The following CRYBG1 variants were observed in gnomAD, a reference collection of about 807,000 sequenced individuals.
CRYBG1 encodes beta/gamma crystallin domain-containing protein 1.
Under a neutral mutation model 189.2 loss-of-function variants are expected in CRYBG1, and 139 were observed. The ratio of observed to expected loss-of-function variants is 0.73; its 90% confidence interval spans 0.64 to 0.85. CRYBG1 has a LOEUF of 0.85. CRYBG1 is among the 40% of genes least tolerant of loss of function. The pLI is 0.00. For synonymous variants in CRYBG1, 1,023 were observed against 1,017.1 expected (o/e 1.01, Z -0.11); for missense variants, 2,611 against 2,675.8 (o/e 0.98, Z 0.53).
Position 106,563,777 on chromosome 6 carries a change from G to A in CRYBG1, c.6152G>A (p.Cys2051Tyr). The change falls in exon 21 of 22, where the codon TGC (cysteine) becomes TAC (tyrosine). Residue 2051 changes from cysteine (C) to tyrosine (Y), a missense_variant. Transcript: ENST00000633556. ...GCIKCRIAED[C>Y]CLTIVGSLVT... ...TCCACTGAGCAGATAGCAGAAGACT[G>A]CTGCCTGACGATTGTGGGCAGCCTG... The A allele has an allele frequency of 1.2e-6, 2 of 1,607,392 alleles. No individual in the cohort carries two copies. Among genetic ancestry groups the A allele is most frequent in the Non-Finnish European group, 8.5e-7 (1 of 1,174,254 alleles).
At chr6:106,466,876 G>A (rs1201850190) in intron 2 of CRYBG1, among the ~76,000 whole-genome samples, 1 of 152,150 alleles carries the variant, frequency 6.6e-6, no homozygotes, top group Non-Finnish European at 1.5e-5. Flanking sequence ...GTAAGATTTT[G>A]AGCAAAGACA....
At chr6:106,561,968 C>G (rs1460769251) in intron 20 of CRYBG1, among the ~76,000 whole-genome samples, 1 of 152,142 alleles carries the variant, frequency 6.6e-6, no homozygotes, top group African/African-American at 2.4e-5. Context: ...CCATGTCCCT[C>G]CTGCATCATT....
At chr6:106,429,597 A>AT (rs1410349828) in intron 1 of CRYBG1, among the ~76,000 whole-genome samples, 1 of 152,238 alleles carries the variant, frequency 6.6e-6, no homozygotes, top group Non-Finnish European at 1.5e-5. Flanking sequence ...TGATGAAACC[A>AT]TTTTATTATT....
Position 106,571,706 on chromosome 6 carries a change from A to T in CRYBG1, c.*3140A>T. The T allele has an allele frequency of 3.0e-6, 1 of 327,982 alleles. No homozygotes were observed. Among genetic ancestry groups the T allele is most frequent in the Non-Finnish European group, 5.7e-6 (1 of 175,032 alleles). The allele number at this position is 327,982 out of a possible 1,614,324, so 20.3% of individuals were successfully genotyped here. A position where few individuals can be genotyped will look rare whatever the true frequency, so the allele number is the denominator to read the frequency against. On this transcript the variant is annotated 3_prime_UTR_variant, in exon 22 of 22. Coordinates refer to ENST00000633556, the MANE Select transcript of CRYBG1 (RefSeq NM_001371242.2). ...ACCCTGTCTCTAAAACAAAAAAGAC[A>T]ATAAAGTAGTTTAAGCTAGTAAAAC...
chr6:106,525,759 C>G (rs996526239), intron 6 of CRYBG1, among the ~76,000 whole-genome samples: 1 of 151,720 alleles, frequency 6.6e-6, no homozygotes, highest in Non-Finnish European at 1.5e-5. Context: ...CCAGATACGA[C>G]TTTTCAAAAA....
At chr6:106,425,018 G>A (rs1246488142) in intron 1 of CRYBG1, among the ~76,000 whole-genome samples, 3 of 152,158 alleles carry the variant, frequency 2.0e-5, no homozygotes, top group African/African-American at 7.2e-5. Context: ...CCCTGAGGAT[G>A]TTACCTTTCT....
At position 106,521,441 on chromosome 6, in the gene CRYBG1, A is replaced by G; in HGVS notation, c.4233A>G (p.Leu1411=). Residue 1411 remains leucine, a synonymous_variant, in exon 4 of 22, where the codon TTA becomes TTG. Transcript: ENST00000633556. Reference sequence around the variant, plus strand: ...GCATTTCTTTTTCTGGAATGTCATTATCAGACACAATGGTAAGTAGCAATG... The same window carrying G: ...GCATTTCTTTTTCTGGAATGTCATTGTCAGACACAATGGTAAGTAGCAATG... ...DPSISFSGMS[L]SDTMTLRGSV... 1 of 1,579,888 alleles carries G rather than the reference A, an allele frequency of 6.3e-7. No homozygotes were observed. Among genetic ancestry groups the G allele is most frequent in the Non-Finnish European group, 8.6e-7 (1 of 1,166,294 alleles).
rs1249476255 is a variant in CRYBG1 at position 106,570,659 on chromosome 6, T to G, written c.*2093T>G. On this transcript the variant is annotated 3_prime_UTR_variant, in exon 22 of 22. Coordinates refer to ENST00000633556, the MANE Select transcript of CRYBG1 (RefSeq NM_001371242.2). ...ATGAGTGAGGTCCTGGCTCAAGTAT[T>G]TTACTCCCACTACCACCTGGGAGCC... The G allele has an allele frequency of 6.6e-6, 1 of 152,158 alleles. No homozygotes were observed. The highest frequency in any genetic ancestry group is 2.4e-5 in the African/African-American group (1 of 41,428). The allele number at this position is 152,158 out of a possible 1,614,324, so 9.4% of individuals were successfully genotyped here.
chr6:106,547,349 C>T (rs949559008), intron 13 of CRYBG1, among the ~76,000 whole-genome samples: 2 of 152,172 alleles, frequency 1.3e-5, no homozygotes, highest in African/African-American at 4.8e-5. Flanking sequence ...TGTATTATGT[C>T]CTCAAAGAAG....
intron 1 of CRYBG1, among the ~76,000 whole-genome samples, chr6:106,437,292 C>A (rs1325105873): frequency 6.6e-6 from 1 of 151,966 alleles, no homozygotes; most frequent in Non-Finnish European, 1.5e-5. Context: ...TATATGGTTT[C>A]TTTAGCATGG....
At position 106,398,572 on chromosome 6, in the gene CRYBG1, A is replaced by G. The variant is rs180903770; in HGVS notation, c.173+37491A>G. 3.3e-3 allele frequency among the ~76,000 whole-genome samples: 508 copies of G among 152,318 alleles called. 8 individuals are homozygous for G. Among genetic ancestry groups the G allele is most frequent in the South Asian group, 0.016 (76 of 4,824 alleles). On this transcript the variant is annotated intron_variant, in intron 1 of 21. Transcript: ENST00000633556. The stretch of plus-strand genomic sequence containing the variant: ...ATATACAGGAAGTACATTCTTTTGA[A>G]CTAGAAGGTCCCCCAAGTATTCAAA...
chr6:106,364,448 T>C (rs1051928441), intron 1 of CRYBG1, among the ~76,000 whole-genome samples: 2 of 152,260 alleles, frequency 1.3e-5, no homozygotes, highest in African/African-American at 2.4e-5. Flanking sequence ...TTCTAATCAA[T>C]TATTTCTTTA....
chr6:106,506,446 C>CT (rs67154803), intron 2 of CRYBG1, among the ~76,000 whole-genome samples: 9,591 of 69,854 alleles, frequency 0.14, 1,106 homozygotes, highest in South Asian at 0.22. Context: ...TTTCTTGTCA[C>CT]TTTTTTTTTT....
chr6:106,486,524 T>G (rs916511093), intron 2 of CRYBG1, among the ~76,000 whole-genome samples: 10 of 152,188 alleles, frequency 6.6e-5, no homozygotes, highest in Non-Finnish European at 1.5e-4. Context: ...TTGTTGAAAG[T>G]GTAGTGTTGA....
rs193192218 is a variant in CRYBG1, at chr6:106,505,316, G to C, written c.313-6114G>C. Among the ~76,000 whole-genome samples the C allele has an allele frequency of 3.3e-5, 5 of 152,094 alleles. No homozygotes were observed. In the East Asian group the frequency reaches 5.8e-4, roughly 18 times the overall value. ...TCATCATGTTAGCCAGGATGGTCTC[G>C]ATCTCTTGACCTCAGGATCTGCCCA... On this transcript the variant is annotated intron_variant, in intron 2 of 21. Coordinates refer to ENST00000633556, the MANE Select transcript of CRYBG1 (RefSeq NM_001371242.2).
rs1433948392 is a variant in CRYBG1 at position 106,520,113 on chromosome 6, G to C, written c.2905G>C (p.Asp969His). The C allele has an allele frequency of 6.2e-7, 1 of 1,613,986 alleles. No homozygotes were observed. The highest frequency in any genetic ancestry group is 2.2e-5 in the East Asian group (1 of 44,900). Residue 969 changes from aspartate to histidine, a missense_variant, in exon 4 of 22, where the codon GAT becomes CAT. Around this residue, in one of 3 missense-constraint regions of CRYBG1, gnomAD observed 1,622 missense variants for 1,735.0 expected, o/e 0.93. Coordinates refer to ENST00000633556, the MANE Select transcript of CRYBG1 (RefSeq NM_001371242.2). ...SFVLPVESTQ[D>H]VSSQVIPESS... ...CGTGCTCCCCGTGGAGAGCACCCAGGATGTGAGCTCCCAGGTCATCCCAGA... is the reference window on the plus strand; with the variant it reads ...CGTGCTCCCCGTGGAGAGCACCCAGCATGTGAGCTCCCAGGTCATCCCAGA...
intron 20 of CRYBG1, among the ~76,000 whole-genome samples, chr6:106,562,112 AAAAAC>A (rs983463810): frequency 5.3e-5 from 8 of 152,064 alleles, no homozygotes; most frequent in African/African-American, 1.2e-4. Flanking sequence ...TTTTCTTTAA[AAAAAC>A]AAAACAAAAC....
At position 106,563,811 on chromosome 6, in the gene CRYBG1, T is replaced by C; in HGVS notation, c.6186T>C (p.Ser2062=). The C allele has an allele frequency of 6.2e-7, 1 of 1,612,792 alleles. No homozygotes were observed. Among genetic ancestry groups the C allele is most frequent in the Non-Finnish European group, 8.5e-7 (1 of 1,178,812 alleles). ...CGATTGTGGGCAGCCTGGTAACATC[T>C]GGCTCCAAGCTAGGCCTGGCCCTGG... ...CLTIVGSLVT[S]GSKLGLALDQ... The change falls in exon 21 of 22, where the codon TCT becomes TCC. Residue 2062 remains serine (S), a synonymous_variant. Coordinates refer to ENST00000633556, the MANE Select transcript of CRYBG1 (RefSeq NM_001371242.2).
chr6:106,490,177 G>C (rs951191510), intron 2 of CRYBG1, among the ~76,000 whole-genome samples: 7 of 152,320 alleles, frequency 4.6e-5, no homozygotes, highest in Non-Finnish European at 1.0e-4. Flanking sequence ...TAATGCTGTT[G>C]GCTTCTTAAA....
Sources: gnomAD v4.1 joint callset for allele counts (sites outside exome capture counted in the v4.1 genomes callset) on GRCh38, gnomAD v4.1.1 for gene constraint, gnomAD v4.1.1 regional missense constraint, MANE v1.5 for transcripts, NCBI Gene and HGNC (gene_info 2026-07-23, HGNC 2026-07-21) for gene names.